The following C2orf78 variants were observed in gnomAD, a reference collection of about 807,000 sequenced individuals.
C2orf78 encodes the protein uncharacterized protein C2orf78.
Under a neutral mutation model 21.4 loss-of-function variants are expected in C2orf78, and 12 were observed. The ratio of observed to expected loss-of-function variants is 0.56; its 90% CI spans 0.36 to 0.91. The LOEUF (loss-of-function observed/expected upper bound fraction) is 0.91. C2orf78 is among the 40% of genes least tolerant of loss of function. The pLI, the probability that C2orf78 is intolerant of heterozygous loss-of-function variation, is 0.01. For missense variants in C2orf78, 1,042 were observed against 1,092.4 expected (o/e 0.95, Z 0.65); for synonymous variants, 396 against 413.9 (o/e 0.96, Z 0.52).
rs141421365 is a variant in C2orf78, at chr2:73,809,312, C to T, written c.98-4165C>T. On this transcript the variant is annotated intron_variant, in intron 1 of 2. Coordinates refer to ENST00000409561, the Ensembl canonical transcript of C2orf78. ...TGTTTCATGTGTAATAGTCTCCCTC[C>T]ACTAATATTTCAACTTTCGTATTTT... 8.8e-3 allele frequency among the ~76,000 whole-genome samples: 1,333 copies of T among 152,190 alleles called. 25 individuals carry two copies. The highest frequency in any genetic ancestry group is 0.03 in the African/African-American group (1,250 of 41,482).
chr2:73,808,218 C>A (rs1672998713), intron 1 of C2orf78, among the ~76,000 whole-genome samples: 1 of 150,994 alleles, frequency 6.6e-6, no homozygotes, highest in African/African-American at 2.5e-5. Context: ...CACGCCACTG[C>A]ACTCCAGCCT....
exon 3 of C2orf78, chr2:73,816,082 A>T (rs1673189570): frequency 6.2e-7 from 1 of 1,613,760 alleles, no homozygotes; most frequent in Non-Finnish European, 8.5e-7. Flanking sequence ...AAGACCCTTA[A>T]AAAGCCCCGA....
chr2:73,785,986 T>C (rs1329289358), intron 1 of C2orf78, among the ~76,000 whole-genome samples: 2 of 151,696 alleles, frequency 1.3e-5, no homozygotes, highest in African/African-American at 4.9e-5. Context: ...GCAAAGGTTG[T>C]GGTGAGCCAA....
chr2:73,812,459 G>C (rs1332281352), intron 1 of C2orf78, among the ~76,000 whole-genome samples: 1 of 151,836 alleles, frequency 6.6e-6, no homozygotes, highest in Non-Finnish European at 1.5e-5. Context: ...CTTCTTTATA[G>C]ACAGGCAGCC....
chr2:73,816,248 G>A (rs372841294), exon 3 of C2orf78: 10 of 1,613,748 alleles, frequency 6.2e-6, no homozygotes, highest in Non-Finnish European at 5.9e-6. Context: ...AACCATGGCT[G>A]GATATCCAAC....
At chr2:73,814,995 A>T (rs1203869691) in intron 2 of C2orf78, 76 bp from the exon 3 acceptor site, 10 of 1,415,740 alleles carry the variant, frequency 7.1e-6, no homozygotes, top group African/African-American at 1.4e-5. Context: ...TTGGAAAGGT[A>T]TCCGATTGCT....
At chr2:73,815,975 TGAA>T in exon 3 of C2orf78, 5 of 1,613,684 alleles carry the variant, frequency 3.1e-6, no homozygotes, top group Non-Finnish European at 3.4e-6. Flanking sequence ...CCAAGAAATC[TGAA>T]GAGAGTAAGC....
exon 3 of C2orf78, chr2:73,815,186 G>C (rs1200329374): frequency 6.2e-7 from 1 of 1,613,968 alleles, no homozygotes; most frequent in Admixed American, 1.7e-5. Context: ...GAAATACCCA[G>C]ACACTTGAGA....
chr2:73,786,114 T>C (rs1194290501), intron 1 of C2orf78, among the ~76,000 whole-genome samples: 2 of 151,908 alleles, frequency 1.3e-5, no homozygotes, highest in African/African-American at 4.8e-5. Context: ...GTGCGGTGGC[T>C]CACACCTGTA....
intron 2 of C2orf78, among the ~76,000 whole-genome samples, chr2:73,814,816 T>A (rs1475835125): frequency 6.6e-6 from 1 of 152,224 alleles, no homozygotes; most frequent in Non-Finnish European, 1.5e-5. Flanking sequence ...TCTCCTATTT[T>A]AAAAATCACT....
chr2:73,815,587 C>A lies in C2orf78; in HGVS notation c.1364C>A (p.Pro455Gln), dbSNP rs201436845. The change falls in exon 3 of 3, where the codon CCG (proline) becomes CAG (glutamine). Residue 455 changes from proline (P) to glutamine (Q), a missense_variant. Pro to Gln is a moderately conservative substitution (Grantham distance 76, BLOSUM62 -1). Transcript: ENST00000409561. The stretch of plus-strand genomic sequence containing the variant: ...TGGGTGGAGGATACTTACCTCCCCC[C>A]GATCTTCAGTTCCTTACAAGATCTT... The A allele has an allele frequency of 3.1e-6, 5 of 1,613,964 alleles. No homozygotes were observed. The East Asian group carries it at 8.9e-5, about 29-fold the overall frequency.
At position 73,807,066 on chromosome 2, in the gene C2orf78, A is replaced by C. The variant is rs1000358302; in HGVS notation, c.98-6411A>C. Reference sequence around the variant, plus strand: ...CATGGTGGCGAGTACCTGTAATCCCAGCTACTCGGGAGACTAAGGCACGAG... The same window carrying C: ...CATGGTGGCGAGTACCTGTAATCCCCGCTACTCGGGAGACTAAGGCACGAG... On this transcript the variant is annotated intron_variant, in intron 1 of 2. Transcript: ENST00000409561. Among the ~76,000 whole-genome samples, 21 of 144,648 alleles carry C rather than the reference A, an allele frequency of 1.5e-4. 3 individuals carry two copies. Among genetic ancestry groups the C allele is most frequent in the African/African-American group, 4.9e-4 (18 of 36,504 alleles). 94.9% of individuals were successfully genotyped at this position (144,648 alleles called of 152,430 possible). A position where few individuals can be genotyped will look rare whatever the true frequency, so the allele number is the denominator to read the frequency against.
intron 2 of C2orf78, 71 bp from the exon 3 acceptor site, chr2:73,815,000 A>G: frequency 6.9e-7 from 1 of 1,450,046 alleles, no homozygotes; most frequent in South Asian, 1.3e-5. Flanking sequence ...AAGGTATCCG[A>G]TTGCTGCACT....
At chr2:73,816,382 C>T in exon 3 of C2orf78, 1 of 1,613,890 alleles carries the variant, frequency 6.2e-7, no homozygotes, top group Non-Finnish European at 8.5e-7. Context: ...AAGTTGATAC[C>T]TTTGCCCTTT....
intron 1 of C2orf78, among the ~76,000 whole-genome samples, chr2:73,811,498 A>G (rs1416150505): frequency 6.6e-6 from 1 of 152,208 alleles, no homozygotes; most frequent in Non-Finnish European, 1.5e-5. Flanking sequence ...CATGAAAAGT[A>G]GATTCCAAGT....
exon 3 of C2orf78, chr2:73,817,009 T>C: frequency 6.3e-7 from 1 of 1,592,728 alleles, no homozygotes; most frequent in Non-Finnish European, 8.6e-7. Flanking sequence ...AGATTGTTGG[T>C]TTTACTTTGG....
exon 3 of C2orf78, chr2:73,815,277 C>A: frequency 6.2e-7 from 1 of 1,613,790 alleles, no homozygotes; most frequent in Non-Finnish European, 8.5e-7. Context: ...GTCTCCAGCT[C>A]CAAGCCAGGA....
At position 73,815,930 on chromosome 2, in the gene C2orf78, G is replaced by T. The variant is rs148443666; in HGVS notation, c.1707G>T (p.Gly569=). The T allele has an allele frequency of 4.6e-4, 735 of 1,613,710 alleles. 4 individuals are homozygous for T. In the African/African-American group the frequency reaches 8.6e-3, roughly 19 times the overall value. ...GGATCAGCAAAACTAAGAGCCATGG[G>T]CAGGAAAAGACCAAAGGGAACAGAA... is the stretch of plus-strand genomic sequence containing the variant. Residue 569 remains glycine (G), a synonymous_variant, in exon 3 of 3, where the codon GGG becomes GGT. Transcript: ENST00000409561.
chr2:73,813,458 T>C lies in C2orf78; in HGVS notation c.98-19T>C. On this transcript the variant is annotated intron_variant, in intron 1 of 2. Transcript: ENST00000409561. Reference sequence around the variant, plus strand: ...TTTCACTCTCATCGGTTTTTTCATCTCTCTCTTGTTTCCTACAGAATATTT... The same window carrying C: ...TTTCACTCTCATCGGTTTTTTCATCCCTCTCTTGTTTCCTACAGAATATTT... 6.5e-7 allele frequency: 1 copy of C among 1,549,746 alleles called. No individual in the cohort carries two copies. Among genetic ancestry groups the C allele is most frequent in the Non-Finnish European group, 8.7e-7 (1 of 1,153,042 alleles).
Sources: gnomAD v4.1 joint callset for allele counts (sites outside exome capture counted in the v4.1 genomes callset) on GRCh38, gnomAD v4.1.1 for gene constraint, MANE v1.5 for transcripts, NCBI Gene and HGNC (gene_info 2026-07-23, HGNC 2026-07-21) for gene names.